KCNMA1: variants seen among roughly 807,000 people sequenced by gnomAD.
The protein encoded by KCNMA1 is Calcium-activated potassium channel subunit alpha-1.
Under a neutral mutation model 140.0 loss-of-function variants are expected in KCNMA1, and 29 were observed. The ratio of observed to expected loss-of-function variants is 0.21; its 90% CI spans 0.15 to 0.28. The LOEUF is 0.28. KCNMA1 is among the 10% of genes least tolerant of loss of function. The pLI, the probability that KCNMA1 is intolerant of heterozygous loss-of-function variation, is 1.00. For missense variants in KCNMA1, 880 were observed against 1,602.2 expected (o/e 0.55, Z 7.70); for synonymous variants, 612 against 611.9 (o/e 1.00, Z 0.00).
At chr10:77,558,611 G>C (rs2065341105) in intron 1 of KCNMA1, among the ~76,000 whole-genome samples, 1 of 152,146 alleles carries the variant, frequency 6.6e-6, no homozygotes, top group Non-Finnish European at 1.5e-5. Context: ...CCTGTGGTGG[G>C]TGTCAAGGGG....
intron 1 of KCNMA1, among the ~76,000 whole-genome samples, chr10:77,505,850 T>A (rs559457729): frequency 1.3e-5 from 2 of 152,296 alleles, no homozygotes; most frequent in South Asian, 4.1e-4. Context: ...GGTAGTAAGA[T>A]GTATGACTAA....
At chr10:77,161,122 C>A (rs570279053) in intron 5 of KCNMA1, among the ~76,000 whole-genome samples, 8 of 152,278 alleles carry the variant, frequency 5.3e-5, no homozygotes, top group Admixed American at 4.6e-4. Flanking sequence ...CACATGACAG[C>A]CTTCAAGGAC....
At chr10:77,420,512 C>G (rs1781583982) in intron 1 of KCNMA1, among the ~76,000 whole-genome samples, 3 of 152,234 alleles carry the variant, frequency 2.0e-5, no homozygotes, top group African/African-American at 7.2e-5. Flanking sequence ...TCAGATATCA[C>G]TTGTTTCTCT....
In KCNMA1 at chr10:77,312,032, A is replaced by T. The variant is rs144130096; in HGVS notation, c.541-60776T>A. On this transcript the variant is annotated intron_variant, in intron 2 of 27. Coordinates refer to ENST00000286628, the MANE Select transcript of KCNMA1 (RefSeq NM_001161352.2). ...TTGTTGGATTCAACCTGCAATTCAGATGCACACAGCCCACTAGGCGCTAGC... is the reference window on the plus strand; with the variant it reads ...TTGTTGGATTCAACCTGCAATTCAGTTGCACACAGCCCACTAGGCGCTAGC... Among the ~76,000 whole-genome samples, 179 of 152,326 alleles carry T rather than the reference A, an allele frequency of 1.2e-3. 1 individual carries two copies. In the South Asian group the frequency reaches 0.016, roughly 14 times the overall value.
At chr10:77,406,654 C>T (rs991375976) in intron 1 of KCNMA1, among the ~76,000 whole-genome samples, 2 of 152,150 alleles carry the variant, frequency 1.3e-5, no homozygotes, top group Non-Finnish European at 2.9e-5. Context: ...AGACATGGAT[C>T]TTCACCCCCA....
In KCNMA1 at chr10:76,953,886, T is replaced by C. The variant is rs1406016698; in HGVS notation, c.2399A>G (p.Asp800Gly). ...CTTCTTCACATTGGAGTCCATGTTG[T>C]CAATCTGATCATTGCCAGGAATTAA... is the stretch of plus-strand genomic sequence containing the variant. ...PLLIPGNDQIDNMDSNVKKYD... is the reference protein window; with the variant it reads ...PLLIPGNDQIGNMDSNVKKYD... The change falls in exon 21 of 28, where the codon GAC (aspartate) becomes GGC (glycine). Residue 800 changes from aspartate to glycine, a missense_variant. This residue lies in a region of KCNMA1 where 196 missense variants were observed against 233.0 expected (regional missense o/e 0.84). Coordinates refer to ENST00000286628, the MANE Select transcript of KCNMA1 (RefSeq NM_001161352.2). 6.2e-7 allele frequency: 1 copy of C among 1,613,990 alleles called. No homozygotes were observed. The highest frequency in any genetic ancestry group is 2.2e-5 in the East Asian group (1 of 44,870).
intron 5 of KCNMA1, among the ~76,000 whole-genome samples, chr10:77,167,490 T>C (rs1028928710): frequency 6.6e-6 from 1 of 152,036 alleles, no homozygotes; most frequent in Admixed American, 6.6e-5. Context: ...TAGTTTAAAC[T>C]CCAAGCCTAG....
chr10:77,066,258 G>A (rs1165246088), intron 14 of KCNMA1, among the ~76,000 whole-genome samples: 1 of 152,186 alleles, frequency 6.6e-6, no homozygotes, highest in Admixed American at 6.5e-5. Flanking sequence ...GTGGTTTGGA[G>A]CTAGTAGTAG....
intron 2 of KCNMA1, among the ~76,000 whole-genome samples, chr10:77,275,878 C>T (rs1432272147): frequency 6.6e-6 from 1 of 152,044 alleles, no homozygotes; most frequent in Non-Finnish European, 1.5e-5. Context: ...AGGTTATGCC[C>T]GCTGCTTTCC....
At chr10:77,622,407 G>T (rs1367444810) in intron 1 of KCNMA1, among the ~76,000 whole-genome samples, 1 of 152,188 alleles carries the variant, frequency 6.6e-6, no homozygotes, top group African/African-American at 2.4e-5. Flanking sequence ...GGGATCCACA[G>T]CCCACCTGCC....
intron 2 of KCNMA1, among the ~76,000 whole-genome samples, chr10:77,311,114 A>C (rs574568894): frequency 9.9e-5 from 15 of 152,196 alleles, no homozygotes; most frequent in Non-Finnish European, 2.1e-4. Context: ...AAGACTCTTA[A>C]ATTCTGTGAA....
intron 1 of KCNMA1, among the ~76,000 whole-genome samples, chr10:77,469,332 C>T (rs1480101181): frequency 6.6e-6 from 1 of 152,206 alleles, no homozygotes; most frequent in African/African-American, 2.4e-5. Flanking sequence ...GTCAAGACGT[C>T]CACCTTCAAG....
intron 3 of KCNMA1, among the ~76,000 whole-genome samples, chr10:77,209,374 A>G (rs1476937344): frequency 6.6e-6 from 1 of 152,210 alleles, no homozygotes; most frequent in Non-Finnish European, 1.5e-5. Context: ...ACAATAGAGT[A>G]TGACATTTAT....
chr10:77,137,617 C>A (rs972181541), intron 5 of KCNMA1, among the ~76,000 whole-genome samples: 3 of 152,134 alleles, frequency 2.0e-5, no homozygotes, highest in Non-Finnish European at 4.4e-5. Context: ...TGAATCTGAG[C>A]CTCTCCTTCC....
At chr10:77,157,957 T>A (rs1204446528) in intron 5 of KCNMA1, among the ~76,000 whole-genome samples, 1 of 151,910 alleles carries the variant, frequency 6.6e-6, no homozygotes, top group South Asian at 2.1e-4. Flanking sequence ...GGTGCCCCCA[T>A]GGGTTGGGGG....
intron 3 of KCNMA1, among the ~76,000 whole-genome samples, chr10:77,216,455 T>G (rs971030866): frequency 5.3e-5 from 8 of 152,164 alleles, no homozygotes; most frequent in African/African-American, 1.7e-4. Context: ...TTAACCTAGC[T>G]GAGTTAGTCT....
chr10:77,434,571 T>C (rs1270706440), intron 1 of KCNMA1, among the ~76,000 whole-genome samples: 1 of 152,198 alleles, frequency 6.6e-6, no homozygotes, highest in East Asian at 1.9e-4. Context: ...TATTCAATGC[T>C]GCACATGGCA....
At chr10:77,460,793 G>A (rs1165576010) in intron 1 of KCNMA1, among the ~76,000 whole-genome samples, 1 of 152,104 alleles carries the variant, frequency 6.6e-6, no homozygotes, top group East Asian at 1.9e-4. Flanking sequence ...GTGGGACGGT[G>A]AGGGGGTGTG....
chr10:77,570,117 G>C (rs1220111132), intron 1 of KCNMA1, among the ~76,000 whole-genome samples: 3 of 151,570 alleles, frequency 2.0e-5, no homozygotes, highest in Admixed American at 6.6e-5. Flanking sequence ...GGAGAAATAG[G>C]AACACTTTTA....
Sources: gnomAD v4.1 joint callset for allele counts (sites outside exome capture counted in the v4.1 genomes callset) on GRCh38, gnomAD v4.1.1 for gene constraint, gnomAD v4.1.1 regional missense constraint, MANE v1.5 for transcripts, NCBI Gene and HGNC (gene_info 2026-07-23, HGNC 2026-07-21) for gene names.